Variants in TYR observed in about 807,000 individuals in gnomAD.
TYR encodes tyrosinase.
TYR carries 58 observed loss-of-function variants against 51.5 expected under a neutral mutation model. The ratio of observed to expected loss-of-function variants is 1.13; its 90% CI spans 0.91 to 1.40. The LOEUF is 1.40. Ranked by LOEUF, TYR falls within the 40% of genes most tolerant of loss-of-function variation. TYR has a pLI of 0.00. For missense variants in TYR, 732 were observed against 647.4 expected (o/e 1.13, Z -1.42); for synonymous variants, 263 against 235.2 (o/e 1.12, Z -1.08).
At chr11:89,198,350 T>G (rs963495923) in intron 2 of TYR, among the ~76,000 whole-genome samples, 2 of 152,144 alleles carry the variant, frequency 1.3e-5, no homozygotes, top group Non-Finnish European at 2.9e-5. Context: ...CTAAACTATT[T>G]CCCTAGTATC....
chr11:89,252,776 G>T (rs1198170716), intron 3 of TYR, among the ~76,000 whole-genome samples: 1 of 151,742 alleles, frequency 6.6e-6, no homozygotes, highest in Non-Finnish European at 1.5e-5. Context: ...TAAGATCGGG[G>T]ACGTAATGAG....
intron 2 of TYR, among the ~76,000 whole-genome samples, chr11:89,202,762 T>C (rs1943615508): frequency 6.6e-6 from 1 of 152,106 alleles, no homozygotes; most frequent in Non-Finnish European, 1.5e-5. Context: ...TTCACATTTC[T>C]TTTCTTAAGA....
At chr11:89,199,029 T>C (rs937727963) in intron 2 of TYR, among the ~76,000 whole-genome samples, 1 of 152,134 alleles carries the variant, frequency 6.6e-6, no homozygotes, top group African/African-American at 2.4e-5. Context: ...TTTGTCCTTG[T>C]GATAGTTTGC....
chr11:89,224,183 G>A (rs1365349580), intron 2 of TYR, among the ~76,000 whole-genome samples: 2 of 152,062 alleles, frequency 1.3e-5, no homozygotes, highest in Non-Finnish European at 2.9e-5. Flanking sequence ...TGCATTGAGA[G>A]TGCACCATAT....
At chr11:89,208,255 G>A (rs1013123642) in intron 2 of TYR, among the ~76,000 whole-genome samples, 2 of 152,182 alleles carry the variant, frequency 1.3e-5, no homozygotes, top group African/African-American at 4.8e-5. Flanking sequence ...GGGCAACAGA[G>A]CAAGACTCCG....
chr11:89,180,362 A>G (rs933375092), intron 1 of TYR, among the ~76,000 whole-genome samples: 16 of 152,202 alleles, frequency 1.1e-4, no homozygotes, highest in Non-Finnish European at 7.3e-5. Flanking sequence ...CTAAATTACC[A>G]AAATAAGCTG....
chr11:89,253,888 T>C (rs535477477), intron 3 of TYR, among the ~76,000 whole-genome samples: 2 of 151,978 alleles, frequency 1.3e-5, no homozygotes, highest in Admixed American at 1.3e-4. Flanking sequence ...AGAGTGGGCA[T>C]CTTTGTCTTG....
In TYR at chr11:89,259,474, C is replaced by T. The variant is rs182464205; in HGVS notation, c.1185-25299C>T. The stretch of plus-strand genomic sequence containing the variant: ...AACCACCTGTTTCTGAACAATAGAT[C>T]TTACGCTAAATTAGGTCCCTTTGGA... On this transcript the variant is annotated intron_variant, in intron 3 of 4. Coordinates refer to ENST00000263321, the MANE Select transcript of TYR (RefSeq NM_000372.5). 1.2e-4 allele frequency among the ~76,000 whole-genome samples: 19 copies of T among 152,208 alleles called. No individual in the cohort carries two copies. The East Asian group carries it at 3.5e-3, about 28-fold the overall frequency.
chr11:89,252,755 G>A (rs539597369), intron 3 of TYR, among the ~76,000 whole-genome samples: 1 of 151,726 alleles, frequency 6.6e-6, no homozygotes, highest in Non-Finnish European at 1.5e-5. Context: ...TAGGGAGACT[G>A]TACAGGAGAA....
chr11:89,273,399 T>C (rs1046208261), intron 3 of TYR, among the ~76,000 whole-genome samples: 1 of 151,808 alleles, frequency 6.6e-6, no homozygotes, highest in African/African-American at 2.4e-5. Flanking sequence ...GGAGGATGGC[T>C]GGCAGGTGGA....
intron 1 of TYR, among the ~76,000 whole-genome samples, chr11:89,188,370 G>C (rs1048126558): frequency 6.6e-6 from 1 of 151,926 alleles, no homozygotes; most frequent in Non-Finnish European, 1.5e-5. Context: ...GGTTTGAAAA[G>C]CAGCAACAAT....
Position 89,178,218 on chromosome 11 carries a change from T to C in TYR, c.265T>C (p.Cys89Arg), listed in dbSNP as rs28940877. 2.5e-6 allele frequency: 4 copies of C among 1,614,078 alleles called. No homozygotes were observed. The African/African-American group carries it at 4.0e-5, about 16-fold the overall frequency. Residue 89 changes from cysteine to arginine, a missense_variant, in exon 1 of 5, where the codon TGC becomes CGC. Transcript: ENST00000263321. ...GCCTTCCGTCTTTTATAATAGGACC[T>C]GCCAGTGCTCTGGCAACTTCATGGG... ...SWPSVFYNRTCQCSGNFMGFN... is the reference protein window; with the variant it reads ...SWPSVFYNRTRQCSGNFMGFN...
At chr11:89,187,901 A>G (rs1943396471) in intron 1 of TYR, among the ~76,000 whole-genome samples, 1 of 151,900 alleles carries the variant, frequency 6.6e-6, no homozygotes, top group Non-Finnish European at 1.5e-5. Flanking sequence ...TTAAATATAT[A>G]CACCATATTG....
In TYR at chr11:89,224,126, C is replaced by T. The variant is rs77897288; in HGVS notation, c.1037-3697C>T. On this transcript the variant is annotated intron_variant, in intron 2 of 4. Coordinates refer to ENST00000263321, the MANE Select transcript of TYR (RefSeq NM_000372.5). ...ATGAAGTTTAGGAAGGAGGGAGATG[C>T]GTGATGCTAGGGTGGTACCTAATGG... 2.1e-4 allele frequency among the ~76,000 whole-genome samples: 32 copies of T among 152,136 alleles called. No individual in the cohort carries two copies. In the East Asian group the frequency reaches 4.1e-3, roughly 19 times the overall value.
At chr11:89,268,596 T>C (rs1224631880) in intron 3 of TYR, among the ~76,000 whole-genome samples, 3 of 151,974 alleles carry the variant, frequency 2.0e-5, no homozygotes, top group African/African-American at 7.2e-5. Flanking sequence ...AACAGAAGTA[T>C]TACATTTTGA....
chr11:89,291,606 ACACAT>A (rs1944853992), intron 4 of TYR, among the ~76,000 whole-genome samples: 1 of 151,936 alleles, frequency 6.6e-6, no homozygotes, highest in African/African-American at 2.4e-5. Flanking sequence ...TTTTCCACAT[ACACAT>A]AAGTTGTTAA....
chr11:89,285,160 T>C (rs1944769144), intron 4 of TYR, among the ~76,000 whole-genome samples: 1 of 151,660 alleles, frequency 6.6e-6, no homozygotes, highest in South Asian at 2.1e-4. Flanking sequence ...TTGCTTAACA[T>C]AGGCCATTTT....
chr11:89,207,828 C>G (rs1943692207), intron 2 of TYR, among the ~76,000 whole-genome samples: 1 of 152,146 alleles, frequency 6.6e-6, no homozygotes. Flanking sequence ...TTGACCCTTT[C>G]AATACCAATA....
At chr11:89,251,084 TGA>T (rs1944326304) in intron 3 of TYR, among the ~76,000 whole-genome samples, 1 of 151,750 alleles carries the variant, frequency 6.6e-6, no homozygotes, top group African/African-American at 2.4e-5. Flanking sequence ...GCTGAAGAAA[TGA>T]GAGAAAAAAC....
Sources: gnomAD v4.1 joint callset for allele counts (sites outside exome capture counted in the v4.1 genomes callset) on GRCh38, gnomAD v4.1.1 for gene constraint, MANE v1.5 for transcripts, NCBI Gene and HGNC (gene_info 2026-07-23, HGNC 2026-07-21) for gene names.